Variants in CELF2 observed in about 807,000 individuals in gnomAD.
CELF2 encodes CUGBP Elav-like family member 2.
A neutral mutation model predicts 62.6 loss-of-function variants in CELF2; 8 were observed. That is an observed-to-expected ratio of 0.13 (90% CI 0.07 to 0.23). The LOEUF is 0.23. Among genes scored for constraint, CELF2 ranks in the 10% least tolerant of loss-of-function variants. The pLI is 1.00. For synonymous variants in CELF2, 258 were observed against 250.0 expected, an observed-to-expected ratio of 1.03 and a Z score of -0.30; for missense variants, 333 against 671.0, an observed-to-expected ratio of 0.50 and a Z score of 5.56.
the CELF2 span, among the ~76,000 whole-genome samples, chr10:10,520,174 A>G: frequency 1.3e-5 from 2 of 152,218 alleles, no homozygotes; most frequent in Non-Finnish European, 2.9e-5. Context: ...CTTTATAAAG[A>G]TTTCTTAAAA....
chr10:10,633,459 T>A, the CELF2 span, among the ~76,000 whole-genome samples: 1 of 152,194 alleles, frequency 6.6e-6, no homozygotes, highest in East Asian at 1.9e-4. Flanking sequence ...CATTTCCAAC[T>A]GTTTGTATCC....
the CELF2 span, among the ~76,000 whole-genome samples, chr10:10,623,993 A>C: frequency 0.036 from 5,477 of 152,230 alleles, 221 homozygotes; most frequent in African/African-American, 0.1. Flanking sequence ...TGATAAGACT[A>C]TGATAAAACT....
At chr10:10,668,548 A>G in the CELF2 span, among the ~76,000 whole-genome samples, 16 of 152,228 alleles carry the variant, frequency 1.1e-4, no homozygotes, top group Non-Finnish European at 1.9e-4. Flanking sequence ...CATGTCAAAG[A>G]CACTTAATAT....
intron 1 of CELF2, among the ~76,000 whole-genome samples, chr10:10,814,035 G>A (rs2056196495): frequency 6.6e-6 from 1 of 151,924 alleles, no homozygotes; most frequent in Non-Finnish European, 1.5e-5. Context: ...GATATATTGA[G>A]GCCAAACAAC....
chr10:10,676,707 T>G, the CELF2 span, among the ~76,000 whole-genome samples: 3 of 152,188 alleles, frequency 2.0e-5, no homozygotes, highest in South Asian at 2.1e-4. Context: ...CTGATTTTTT[T>G]TGTGTCTGCC....
intron 1 of CELF2, among the ~76,000 whole-genome samples, chr10:11,051,497 A>G (rs2063915135): frequency 6.6e-6 from 1 of 152,230 alleles, no homozygotes; most frequent in Non-Finnish European, 1.5e-5. Context: ...GCCCATGTTT[A>G]TAAAACTCAG....
At chr10:11,235,384 C>T (rs148947965) in intron 3 of CELF2, among the ~76,000 whole-genome samples, 415 of 152,284 alleles carry the variant, frequency 2.7e-3, no homozygotes, top group African/African-American at 9.5e-3. Context: ...ATTTCAGTTA[C>T]GTGCGGTATA....
upstream of CELF2, among the ~76,000 whole-genome samples, chr10:11,016,484 A>T (rs1793395938): frequency 6.6e-6 from 1 of 152,256 alleles, no homozygotes; most frequent in Non-Finnish European, 1.5e-5. This position sits in a 1 kb window ranked among gnomAD's most constrained non-coding sequence, Gnocchi z 5.2. Flanking sequence ...CCCAGGTCTG[A>T]TACTTTGTAT....
chr10:10,956,130 G>T (rs1336579924), intron 2 of CELF2, among the ~76,000 whole-genome samples: 1 of 152,174 alleles, frequency 6.6e-6, no homozygotes, highest in Non-Finnish European at 1.5e-5. Context: ...TATTTTTATA[G>T]CAACATCCTT....
At chr10:10,927,914 T>A (rs1321786027) in intron 2 of CELF2, among the ~76,000 whole-genome samples, 1 of 152,132 alleles carries the variant, frequency 6.6e-6, no homozygotes, top group African/African-American at 2.4e-5. Flanking sequence ...TTTCATAAAA[T>A]CATGTAAGAG....
At chr10:10,906,281 A>G (rs1278707142) in intron 1 of CELF2, among the ~76,000 whole-genome samples, 1 of 152,166 alleles carries the variant, frequency 6.6e-6, no homozygotes, top group African/African-American at 2.4e-5. Context: ...TCAGGTGATA[A>G]AATTTTTAAT....
At chr10:10,481,100 T>C in the CELF2 span, among the ~76,000 whole-genome samples, 1 of 152,124 alleles carries the variant, frequency 6.6e-6, no homozygotes, top group Admixed American at 6.5e-5. Flanking sequence ...GTTAGTACTT[T>C]GAAAAAAAAT....
the CELF2 span, among the ~76,000 whole-genome samples, chr10:10,653,017 G>A: frequency 6.6e-6 from 1 of 152,086 alleles, no homozygotes; most frequent in Non-Finnish European, 1.5e-5. Context: ...AAAGGATGGA[G>A]GAAGATCTAC....
chr10:11,144,256 G>A (rs902751336), intron 1 of CELF2, among the ~76,000 whole-genome samples: 9 of 152,076 alleles, frequency 5.9e-5, no homozygotes, highest in African/African-American at 1.7e-4. Context: ...AAAAAAAACC[G>A]TCCCTCTTGC....
rs371556315 is a variant in CELF2, at chr10:10,986,984, CTG to C, written c.89+66987_89+66988del. Among the ~76,000 whole-genome samples, 158 of 152,290 alleles carry C rather than the reference CTG, an allele frequency of 1.0e-3. 1 individual carries two copies. The highest frequency in any genetic ancestry group is 3.2e-3 in the African/African-American group (133 of 41,570). On this transcript the variant is annotated intron_variant, in intron 2 of 13. Coordinates refer to the CELF2 transcript ENST00000636488. ...GCAGTCTGCTGTACAAGTGTATAAACTGTTTATTTTATGGGAAGAAAAGTCAT... is the reference window on the plus strand; with the variant it reads ...GCAGTCTGCTGTACAAGTGTATAAACTTTATTTTATGGGAAGAAAAGTCAT...
the CELF2 span, among the ~76,000 whole-genome samples, chr10:10,669,597 G>A: frequency 6.6e-6 from 1 of 152,166 alleles, no homozygotes; most frequent in Non-Finnish European, 1.5e-5. Context: ...TGGGAGCCAG[G>A]ACCCAAATGC....
intron 1 of CELF2, among the ~76,000 whole-genome samples, chr10:10,857,332 C>A (rs901402231): frequency 6.6e-6 from 1 of 151,856 alleles, no homozygotes; most frequent in Non-Finnish European, 1.5e-5. Context: ...AGTGAAAAGA[C>A]CTTGTCAAAC....
chr10:10,741,447 G>A, the CELF2 span, among the ~76,000 whole-genome samples: 5 of 143,990 alleles, frequency 3.5e-5, no homozygotes, highest in African/African-American at 1.3e-4. Flanking sequence ...GGAGGGAGAG[G>A]TGCGCCACTG....
chr10:10,591,791 G>A, the CELF2 span, among the ~76,000 whole-genome samples: 2 of 152,212 alleles, frequency 1.3e-5, no homozygotes, highest in Non-Finnish European at 2.9e-5. Flanking sequence ...GTCACCAGTA[G>A]CTCTGCTGTG....
Sources: gnomAD v4.1 joint callset for allele counts (sites outside exome capture counted in the v4.1 genomes callset) on GRCh38, gnomAD v4.1.1 for gene constraint, Gnocchi (gnomAD v3.1) non-coding constraint, MANE v1.5 for transcripts, NCBI Gene and HGNC (gene_info 2026-07-23, HGNC 2026-07-21) for gene names.